Variants in PTPRZ1 observed in about 807,000 individuals in gnomAD.
PTPRZ1 encodes the protein receptor-type tyrosine-protein phosphatase zeta.
A neutral mutation model predicts 214.1 loss-of-function variants in PTPRZ1; 82 were observed. The observed-to-expected ratio is 0.38, with a 90% confidence interval of 0.32 to 0.46. PTPRZ1 has a LOEUF of 0.46. PTPRZ1 is among the 20% of genes least tolerant of loss of function. PTPRZ1 has a pLI of 1.00. For synonymous variants in PTPRZ1, 945 were observed against 987.9 expected (o/e 0.96, Z 0.81); for missense variants, 2,603 against 2,748.7 (o/e 0.95, Z 1.19).
chr7:122,013,959 AT>A (rs1798768692), intron 12 of PTPRZ1, 70 bp downstream of exon 12: 18 of 1,307,126 alleles, frequency 1.4e-5, no homozygotes, highest in Non-Finnish European at 1.9e-5. Flanking sequence ...AATGAAAATT[AT>A]AGAAAGATAG....
intron 8 of PTPRZ1, among the ~76,000 whole-genome samples, chr7:121,991,590 G>A (rs1797963032): frequency 6.6e-6 from 1 of 152,098 alleles, no homozygotes. Flanking sequence ...GTTGTTACTA[G>A]CATTTGTTAA....
At chr7:121,996,032 G>GA (rs1466039644) in intron 8 of PTPRZ1, among the ~76,000 whole-genome samples, 2 of 152,050 alleles carry the variant, frequency 1.3e-5, no homozygotes, top group Non-Finnish European at 2.9e-5. Flanking sequence ...ATTCATTCAG[G>GA]AAAAATACAA....
At chr7:121,973,523 T>C (rs1232852590) in intron 4 of PTPRZ1, among the ~76,000 whole-genome samples, 1 of 152,178 alleles carries the variant, frequency 6.6e-6, no homozygotes, top group Non-Finnish European at 1.5e-5. Flanking sequence ...ATACAATATA[T>C]AAATTATTTA....
intron 1 of PTPRZ1, among the ~76,000 whole-genome samples, chr7:121,903,262 AAAATGCAT>A (rs1335233402): frequency 2.6e-5 from 4 of 152,224 alleles, no homozygotes; most frequent in Non-Finnish European, 5.9e-5. Context: ...TCATTTGATA[AAAATGCAT>A]ATTTTTTTCT....
intron 1 of PTPRZ1, among the ~76,000 whole-genome samples, chr7:121,917,066 T>C (rs1439120563): frequency 1.3e-5 from 2 of 152,228 alleles, no homozygotes; most frequent in African/African-American, 4.8e-5. Context: ...TAAGCTGTAC[T>C]AATTGAGACA....
At chr7:121,999,264 G>A in intron 10 of PTPRZ1, among the ~76,000 whole-genome samples, 1 of 151,984 alleles carries the variant, frequency 6.6e-6, no homozygotes. Flanking sequence ...CCTTTATTTA[G>A]CATTGTTTTT....
intron 11 of PTPRZ1, among the ~76,000 whole-genome samples, chr7:122,006,398 G>T (rs575708537): frequency 1.3e-5 from 2 of 151,774 alleles, no homozygotes; most frequent in Non-Finnish European, 2.9e-5. Flanking sequence ...TCGCCCCCTC[G>T]CCACTACATT....
At chr7:121,914,257 G>A (rs946167936) in intron 1 of PTPRZ1, among the ~76,000 whole-genome samples, 3 of 152,018 alleles carry the variant, frequency 2.0e-5, no homozygotes, top group Admixed American at 6.6e-5. Flanking sequence ...TAAATCACTG[G>A]TTTATGATTA....
At chr7:122,021,139 A>T (rs1039931112) in intron 13 of PTPRZ1, among the ~76,000 whole-genome samples, 1 of 150,592 alleles carries the variant, frequency 6.6e-6, no homozygotes, top group South Asian at 2.1e-4. Context: ...AAGATGTCAG[A>T]TGGTTTATAA....
chr7:121,936,332 C>T (rs903142816), intron 2 of PTPRZ1, among the ~76,000 whole-genome samples: 3 of 152,202 alleles, frequency 2.0e-5, no homozygotes, highest in African/African-American at 7.2e-5. Flanking sequence ...CACATTTTGA[C>T]TTAGGGATTT....
intron 1 of PTPRZ1, among the ~76,000 whole-genome samples, chr7:121,896,182 G>C (rs763015883): frequency 1.5e-4 from 23 of 152,246 alleles, no homozygotes; most frequent in Middle Eastern, 3.4e-3. Flanking sequence ...AAATTTTATT[G>C]TGATAAAAAC....
chr7:121,883,634 T>A (rs868561283), intron 1 of PTPRZ1, among the ~76,000 whole-genome samples: 7 of 152,356 alleles, frequency 4.6e-5, no homozygotes, highest in South Asian at 2.1e-4. Flanking sequence ...TTTTCGTTGT[T>A]GCTGTTTTTG....
rs759137152 is a variant in PTPRZ1 at position 122,058,861 on chromosome 7, C to T, written c.6590C>T (p.Pro2197Leu). ...CCTAAATGGCCAAATCCAGATAGCC[C>T]CATTAGTAAAACTTTTGAACTTATA... ...QCPKWPNPDSPISKTFELISV... is the reference protein window; with the variant it reads ...QCPKWPNPDSLISKTFELISV... Residue 2197 changes from proline (P) to leucine (L), a missense_variant, in exon 28 of 30, where the codon CCC (proline) becomes CTC (leucine). Physicochemically the swap from Pro to Leu is moderately conservative, Grantham distance 98. This residue lies in a region of PTPRZ1 where 165 missense variants were observed against 151.4 expected (regional missense o/e 1.09). Coordinates refer to ENST00000393386, the MANE Select transcript of PTPRZ1 (RefSeq NM_002851.3). 3 of 1,596,334 alleles carry T rather than the reference C, an allele frequency of 1.9e-6. No individual in the cohort carries two copies. The highest frequency in any genetic ancestry group is 2.2e-5 in the South Asian group (2 of 90,592).
In PTPRZ1 at chr7:122,034,081, C is replaced by T. The variant is rs1448042312; in HGVS notation, c.5167-14C>T. ...TTGATTTCTTTACTTTTTTGGCATTCATTCCCTCATTAGACACTGAAAGAG... is the reference window on the plus strand; with the variant it reads ...TTGATTTCTTTACTTTTTTGGCATTTATTCCCTCATTAGACACTGAAAGAG... On this transcript the variant is annotated splice_polypyrimidine_tract_variant and intron_variant, in intron 15 of 29. Transcript: ENST00000393386. 6.3e-7 allele frequency: 1 copy of T among 1,585,836 alleles called. No individual in the cohort carries two copies. Among genetic ancestry groups the T allele is most frequent in the Non-Finnish European group, 8.6e-7 (1 of 1,156,362 alleles).
intron 17 of PTPRZ1, among the ~76,000 whole-genome samples, chr7:122,035,507 G>T (rs1190397803): frequency 6.6e-6 from 1 of 152,196 alleles, no homozygotes; most frequent in African/African-American, 2.4e-5. Flanking sequence ...GGCTGGCACT[G>T]TAAATAAGTT....
intron 8 of PTPRZ1, among the ~76,000 whole-genome samples, chr7:121,984,921 C>A (rs1274734212): frequency 6.6e-6 from 1 of 152,066 alleles, no homozygotes; most frequent in Non-Finnish European, 1.5e-5. Context: ...TTGAAGTGAC[C>A]TTTGCACTGG....
intron 1 of PTPRZ1, among the ~76,000 whole-genome samples, chr7:121,888,080 C>T (rs966173439): frequency 1.3e-5 from 2 of 151,978 alleles, no homozygotes; most frequent in Admixed American, 6.6e-5. Context: ...AATTTTTGAG[C>T]AGCATAAAAG....
intron 1 of PTPRZ1, among the ~76,000 whole-genome samples, chr7:121,913,052 T>G (rs561555602): frequency 2.6e-5 from 4 of 152,272 alleles, no homozygotes; most frequent in Admixed American, 2.6e-4. Context: ...ATAGGCACAT[T>G]TTGAATTCTT....
rs141049889 is a variant in PTPRZ1, at chr7:122,011,659, C to T, written c.2613C>T (p.Pro871=). The change falls in exon 12 of 30, where the codon CCC becomes CCT. Residue 871 remains proline (P), a synonymous_variant. Coordinates refer to ENST00000393386, the MANE Select transcript of PTPRZ1 (RefSeq NM_002851.3). ...PVAGGDLLLE[P]SLAQYSDVLS... ...CTGGGGGTGATTTGCTATTAGAGCC[C>T]AGCCTTGCTCAGTATTCTGATGTGC... 1.6e-5 allele frequency: 26 copies of T among 1,613,960 alleles called. No homozygotes were observed. The highest frequency in any genetic ancestry group is 2.0e-5 in the Non-Finnish European group (24 of 1,180,034).
Sources: gnomAD v4.1 joint callset for allele counts (sites outside exome capture counted in the v4.1 genomes callset) on GRCh38, gnomAD v4.1.1 for gene constraint, gnomAD v4.1.1 regional missense constraint, MANE v1.5 for transcripts, NCBI Gene and HGNC (gene_info 2026-07-23, HGNC 2026-07-21) for gene names.